Variants in IMPG1 observed in about 807,000 individuals in gnomAD.
IMPG1 encodes interphotoreceptor matrix proteoglycan of 150 kDa.
In IMPG1, 85 loss-of-function variants were observed where a neutral mutation model predicts 92.0. The ratio of observed to expected loss-of-function variants is 0.92; its 90% CI spans 0.78 to 1.11. The LOEUF (loss-of-function observed/expected upper bound fraction) is 1.11. IMPG1 is among the 50% of genes least tolerant of loss of function. The pLI is 0.00. For synonymous variants in IMPG1, 367 were observed against 334.1 expected (o/e 1.10, Z -1.08); for missense variants, 1,022 against 956.0 (o/e 1.07, Z -0.91).
At chr6:75,959,705 CCCTT>C (rs1226281313) in intron 12 of IMPG1, among the ~76,000 whole-genome samples, 1 of 152,144 alleles carries the variant, frequency 6.6e-6, no homozygotes, top group African/African-American at 2.4e-5. Flanking sequence ...ATGGTGGACT[CCCTT>C]CCCCTCACCA....
chr6:76,056,008 T>C (rs1348864349), intron 1 of IMPG1, among the ~76,000 whole-genome samples: 2 of 151,992 alleles, frequency 1.3e-5, no homozygotes, highest in African/African-American at 4.8e-5. Flanking sequence ...CTACGACTCT[T>C]ATAAAACTTG....
intron 4 of IMPG1, among the ~76,000 whole-genome samples, chr6:76,027,848 G>T (rs1783578155): frequency 6.6e-6 from 1 of 152,138 alleles, no homozygotes; most frequent in African/African-American, 2.4e-5. Context: ...TGGCTATCTG[G>T]AATTATGTTT....
intron 1 of IMPG1, among the ~76,000 whole-genome samples, chr6:76,070,147 T>G (rs1215665310): frequency 6.6e-6 from 1 of 152,114 alleles, no homozygotes; most frequent in Non-Finnish European, 1.5e-5. Context: ...AAGGTAAAAT[T>G]ATTTTAAAAA....
chr6:76,032,783 G>A (rs1783672674), intron 4 of IMPG1, among the ~76,000 whole-genome samples: 1 of 152,098 alleles, frequency 6.6e-6, no homozygotes, highest in Non-Finnish European at 1.5e-5. Flanking sequence ...AAGCAAGAGG[G>A]AAAGGCTAGG....
intron 12 of IMPG1, among the ~76,000 whole-genome samples, chr6:75,997,980 T>G (rs1363451292): frequency 6.6e-6 from 1 of 152,164 alleles, no homozygotes; most frequent in East Asian, 1.9e-4. Context: ...AAGTAGCATG[T>G]TAGCTGAAAC....
At chr6:75,998,310 G>C (rs1020927074) in intron 12 of IMPG1, among the ~76,000 whole-genome samples, 1 of 152,186 alleles carries the variant, frequency 6.6e-6, no homozygotes, top group South Asian at 2.1e-4. Context: ...CATCTGGCTG[G>C]ACACTGCCAA....
intron 12 of IMPG1, among the ~76,000 whole-genome samples, chr6:75,996,372 A>G (rs1252886465): frequency 6.6e-6 from 1 of 152,216 alleles, no homozygotes; most frequent in Non-Finnish European, 1.5e-5. Flanking sequence ...ATGTACCTGT[A>G]TTCATGTGAA....
intron 14 of IMPG1, among the ~76,000 whole-genome samples, chr6:75,942,971 CAA>C (rs1781859429): frequency 6.6e-6 from 1 of 151,950 alleles, no homozygotes; most frequent in African/African-American, 2.4e-5. Context: ...TTCATGTTCA[CAA>C]AGTTTTATAA....
At chr6:75,924,006 A>G (rs947061792) in intron 15 of IMPG1, among the ~76,000 whole-genome samples, 7 of 152,138 alleles carry the variant, frequency 4.6e-5, no homozygotes, top group Admixed American at 1.3e-4. Flanking sequence ...ACAACTCTGT[A>G]ATGGCATATT....
intron 14 of IMPG1, among the ~76,000 whole-genome samples, chr6:75,939,008 G>C (rs2149453090): frequency 6.6e-6 from 1 of 152,112 alleles, no homozygotes; most frequent in East Asian, 1.9e-4. Flanking sequence ...GCTAACTTTT[G>C]CTTTGTGTGT....
intron 12 of IMPG1, among the ~76,000 whole-genome samples, chr6:75,973,367 T>C (rs976766014): frequency 6.6e-6 from 1 of 150,700 alleles, no homozygotes; most frequent in Non-Finnish European, 1.5e-5. Flanking sequence ...ATTTAGACTA[T>C]TTGAATGTTT....
At chr6:75,935,186 C>A in intron 14 of IMPG1, 1 of 373,618 alleles carries the variant, frequency 2.7e-6, no homozygotes, top group Admixed American at 3.3e-5. Context: ...AACCACTGTG[C>A]CTTGCGCGTT....
intron 12 of IMPG1, among the ~76,000 whole-genome samples, chr6:75,956,808 G>A (rs1418921247): frequency 3.3e-5 from 5 of 152,118 alleles, no homozygotes; most frequent in Non-Finnish European, 7.4e-5. Context: ...GTTCTCATTG[G>A]TTTCAAAGAA....
intron 2 of IMPG1, among the ~76,000 whole-genome samples, chr6:76,038,655 A>T (rs1157352446): frequency 6.6e-6 from 1 of 152,186 alleles, no homozygotes; most frequent in Non-Finnish European, 1.5e-5. Flanking sequence ...CCTGTTCTGT[A>T]CTATCCTCCT....
intron 12 of IMPG1, among the ~76,000 whole-genome samples, chr6:75,987,280 A>C (rs982709355): frequency 6.6e-6 from 1 of 150,974 alleles, no homozygotes; most frequent in Admixed American, 6.6e-5. Context: ...AGGATCGTTG[A>C]ACTTCAGTCT....
chr6:76,011,090 C>T, intron 8 of IMPG1, 76 bp downstream of exon 8: 5 of 816,896 alleles, frequency 6.1e-6, no homozygotes, highest in South Asian at 1.5e-5. Context: ...CCTTATAATC[C>T]TTATGGCATT....
At chr6:75,948,295 G>A (rs1056372708) in intron 13 of IMPG1, among the ~76,000 whole-genome samples, 1 of 152,162 alleles carries the variant, frequency 6.6e-6, no homozygotes, top group Non-Finnish European at 1.5e-5. Context: ...TGTGAGCCAC[G>A]CCATCCTAGA....
intron 15 of IMPG1, among the ~76,000 whole-genome samples, chr6:75,929,992 A>C (rs983605845): frequency 6.6e-6 from 1 of 152,146 alleles, no homozygotes; most frequent in East Asian, 1.9e-4. Context: ...TGAAAAAAAA[A>C]TTAGGATGTT....
intron 8 of IMPG1, among the ~76,000 whole-genome samples, chr6:76,008,738 C>A (rs1351825282): frequency 6.6e-6 from 1 of 152,146 alleles, no homozygotes; most frequent in East Asian, 1.9e-4. Flanking sequence ...TTGTGATAAA[C>A]AAATGGGACA....
Sources: gnomAD v4.1 joint callset for allele counts (sites outside exome capture counted in the v4.1 genomes callset) on GRCh38, gnomAD v4.1.1 for gene constraint, MANE v1.5 for transcripts, NCBI Gene and HGNC (gene_info 2026-07-23, HGNC 2026-07-21) for gene names.